SUMF1: variants seen among roughly 807,000 people sequenced by gnomAD.
The protein encoded by SUMF1 is formylglycine-generating enzyme.
SUMF1 carries 48 observed loss-of-function variants against 47.6 expected under a neutral mutation model. The observed-to-expected ratio is 1.01, with a 90% CI of 0.80 to 1.28. The LOEUF (loss-of-function observed/expected upper bound fraction) is 1.28, where lower values mean the gene tolerates loss of function less well. Among genes scored for constraint, SUMF1 ranks in the 50% most tolerant of loss-of-function variants. The probability of loss-of-function intolerance (pLI) is 0.00; values close to 1 mark genes in which losing one functional copy is unlikely to be tolerated. For missense variants in SUMF1, 571 were observed against 485.4 expected (o/e 1.18, Z -1.66); for synonymous variants, 230 against 192.1 (o/e 1.20, Z -1.63).
chr3:4,250,014 TC>T (rs1696758630), intron 8 of SUMF1, among the ~76,000 whole-genome samples: 1 of 151,910 alleles, frequency 6.6e-6, no homozygotes. Context: ...TAAAATGCTG[TC>T]TCTACTAAAA....
At chr3:4,138,262 T>C (rs1395320071) in intron 8 of SUMF1, among the ~76,000 whole-genome samples, 2 of 152,136 alleles carry the variant, frequency 1.3e-5, no homozygotes, top group African/African-American at 4.8e-5. Context: ...TCGAACTCTG[T>C]ATAGTGAAAA....
intron 8 of SUMF1, among the ~76,000 whole-genome samples, chr3:4,129,491 G>A (rs1325672327): frequency 6.6e-6 from 1 of 152,078 alleles, no homozygotes; most frequent in Non-Finnish European, 1.5e-5. Flanking sequence ...TATAAAAGCA[G>A]TGAATCATGG....
intron 8 of SUMF1, among the ~76,000 whole-genome samples, chr3:4,283,382 T>G (rs1697567519): frequency 6.6e-6 from 1 of 152,204 alleles, no homozygotes; most frequent in Admixed American, 6.5e-5. Flanking sequence ...TAGGGGTCCT[T>G]AATGTTAGCC....
At chr3:4,465,520 T>C (rs188290104) in intron 1 of SUMF1, among the ~76,000 whole-genome samples, 190 of 151,442 alleles carry the variant, frequency 1.3e-3, no homozygotes, top group Middle Eastern at 3.4e-3. Flanking sequence ...AGATTGATTA[T>C]CAATTACCAG....
chr3:4,369,665 A>G (rs1700109464), intron 8 of SUMF1, among the ~76,000 whole-genome samples: 2 of 152,326 alleles, frequency 1.3e-5, no homozygotes, highest in African/African-American at 2.4e-5. Flanking sequence ...CTCGGACCTC[A>G]GCATACATAA....
At chr3:4,246,350 C>G (rs1434284830) in intron 8 of SUMF1, among the ~76,000 whole-genome samples, 3 of 148,594 alleles carry the variant, frequency 2.0e-5, no homozygotes, top group East Asian at 4.1e-4. Flanking sequence ...GTCAATCTCG[C>G]TGGGAGCCGT....
chr3:4,213,945 C>G (rs1285137085), intron 8 of SUMF1, among the ~76,000 whole-genome samples: 2 of 152,104 alleles, frequency 1.3e-5, no homozygotes, highest in Admixed American at 1.3e-4. Context: ...ACTCAGACTT[C>G]CACACGATAA....
chr3:4,309,409 A>G (rs888117617), intron 8 of SUMF1, among the ~76,000 whole-genome samples: 6 of 152,182 alleles, frequency 3.9e-5, no homozygotes, highest in African/African-American at 1.4e-4. Flanking sequence ...TTTGGTTAAC[A>G]GAGTACATTT....
chr3:4,373,786 A>G (rs1700240034), intron 8 of SUMF1, among the ~76,000 whole-genome samples: 1 of 124,738 alleles, frequency 8.0e-6, no homozygotes. Context: ...AAAAATACTC[A>G]TAATTTTTGC....
At chr3:4,274,864 A>T (rs576752217) in intron 8 of SUMF1, among the ~76,000 whole-genome samples, 13 of 152,346 alleles carry the variant, frequency 8.5e-5, no homozygotes, top group African/African-American at 2.4e-4. Flanking sequence ...CTGTCAAGAC[A>T]GTGTTTAGGG....
chr3:4,075,993 T>C (rs534954946), intron 8 of SUMF1, among the ~76,000 whole-genome samples: 1 of 152,284 alleles, frequency 6.6e-6, no homozygotes, highest in South Asian at 2.1e-4. Flanking sequence ...AAAGCTACTT[T>C]AAATTTCACA....
intron 8 of SUMF1, among the ~76,000 whole-genome samples, chr3:4,241,123 G>C (rs987269055): frequency 6.6e-6 from 1 of 152,046 alleles, no homozygotes; most frequent in Non-Finnish European, 1.5e-5. Context: ...TTGGGGGTTA[G>C]GAACTACAAG....
intron 3 of SUMF1, among the ~76,000 whole-genome samples, chr3:4,435,838 A>C (rs1702379212): frequency 6.6e-6 from 1 of 152,232 alleles, no homozygotes; most frequent in Non-Finnish European, 1.5e-5. Context: ...AGAATTCATT[A>C]CCATAAGGCT....
intron 8 of SUMF1, among the ~76,000 whole-genome samples, chr3:4,095,470 C>T (rs1692881035): frequency 6.6e-6 from 1 of 151,988 alleles, no homozygotes; most frequent in South Asian, 2.1e-4. Flanking sequence ...GTAATCCACA[C>T]CACACAAGAT....
At chr3:4,400,556 A>G (rs959822381) in intron 7 of SUMF1, among the ~76,000 whole-genome samples, 5 of 152,250 alleles carry the variant, frequency 3.3e-5, no homozygotes, top group African/African-American at 9.6e-5. Context: ...ACAAGAGGCA[A>G]TGCTGAAGGG....
chr3:4,248,415 T>C (rs1696717418), intron 8 of SUMF1, among the ~76,000 whole-genome samples: 1 of 152,214 alleles, frequency 6.6e-6, no homozygotes, highest in African/African-American at 2.4e-5. Context: ...CTTTTTTGTT[T>C]TCCTGTAAGC....
At chr3:4,091,096 C>CAACA (rs796628729) in intron 8 of SUMF1, among the ~76,000 whole-genome samples, 72 of 137,094 alleles carry the variant, frequency 5.3e-4, no homozygotes, top group African/African-American at 1.8e-3. Context: ...ACAACAACAA[C>CAACA]AAAAAAAAAA....
At chr3:4,363,029 G>A (rs958477500) in intron 8 of SUMF1, among the ~76,000 whole-genome samples, 25 of 152,222 alleles carry the variant, frequency 1.6e-4, no homozygotes, top group African/African-American at 5.5e-4. Flanking sequence ...GGAAGATTCC[G>A]AATGCACCAC....
chr3:4,156,215 T>C (rs2125109690), intron 8 of SUMF1, among the ~76,000 whole-genome samples: 1 of 151,522 alleles, frequency 6.6e-6, no homozygotes, highest in African/African-American at 2.4e-5. Context: ...CTCTCAAATT[T>C]GACAAATGAA....
Sources: gnomAD v4.1 joint callset for allele counts (sites outside exome capture counted in the v4.1 genomes callset) on GRCh38, gnomAD v4.1.1 for gene constraint, MANE v1.5 for transcripts, NCBI Gene and HGNC (gene_info 2026-07-23, HGNC 2026-07-21) for gene names.